The following JAKMIP2 variants were observed in gnomAD, a reference collection of about 807,000 sequenced individuals.
JAKMIP2 encodes the protein janus kinase and microtubule-interacting protein 2.
A neutral mutation model predicts 115.0 loss-of-function variants in JAKMIP2; 25 were observed. The ratio of observed to expected loss-of-function variants is 0.22; its 90% CI spans 0.16 to 0.30. JAKMIP2 has a LOEUF of 0.30. Among genes scored for constraint, JAKMIP2 ranks in the 10% least tolerant of loss-of-function variants. JAKMIP2 has a pLI of 1.00. For synonymous variants in JAKMIP2, 334 were observed against 343.6 expected (o/e 0.97, Z 0.31); for missense variants, 642 against 957.6 (o/e 0.67, Z 4.35).
chr5:147,672,624 TAA>T (rs1759678408), intron 1 of JAKMIP2, among the ~76,000 whole-genome samples: 2 of 152,160 alleles, frequency 1.3e-5, no homozygotes, highest in African/African-American at 4.8e-5. Flanking sequence ...CATAATCTGA[TAA>T]GAGTTTTTTA....
chr5:147,779,228 T>C (rs1755671026), intron 1 of JAKMIP2, among the ~76,000 whole-genome samples: 2 of 152,116 alleles, frequency 1.3e-5, no homozygotes, highest in Non-Finnish European at 2.9e-5. Flanking sequence ...AACATCCTAT[T>C]ACAAAGTGAG....
chr5:147,771,003 A>ATG (rs1357860063), intron 1 of JAKMIP2, among the ~76,000 whole-genome samples: 1 of 152,048 alleles, frequency 6.6e-6, no homozygotes, highest in Non-Finnish European at 1.5e-5. Flanking sequence ...AAGTGTGTTT[A>ATG]TGTGGGCTTT....
At chr5:147,644,383 T>A (rs1758025387) in intron 6 of JAKMIP2, among the ~76,000 whole-genome samples, 185 bp from the exon 7 acceptor site, 1 of 152,180 alleles carries the variant, frequency 6.6e-6, no homozygotes. Context: ...TCATTATCAT[T>A]GGGGATTGTC....
intron 1 of JAKMIP2, among the ~76,000 whole-genome samples, chr5:147,750,561 TACACACAC>T (rs151015424): frequency 2.4e-3 from 348 of 142,904 alleles, no homozygotes; most frequent in African/African-American, 8.6e-3. Flanking sequence ...TGCCAGAAAA[TACACACAC>T]ACACACACAC....
intron 9 of JAKMIP2, 70 bp from the exon 10 acceptor site, chr5:147,639,830 T>C (rs1757795339): frequency 6.5e-7 from 1 of 1,548,322 alleles, no homozygotes; most frequent in Non-Finnish European, 8.7e-7. Flanking sequence ...TGTGAAATAT[T>C]AACATTTGCC....
Position 147,782,711 on chromosome 5 carries a change from G to A in JAKMIP2, c.-404C>T. ...TCACCAGTTGGGCCTCCTCCCTCTC[G>A]GAGGATGGGGTGAGCTCGGAAGCAG... On this transcript the variant is annotated 5_prime_UTR_variant, in exon 1 of 22. Coordinates refer to ENST00000616793, the MANE Select transcript of JAKMIP2 (RefSeq NM_001270941.2). The A allele has an allele frequency of 1.7e-6, 1 of 604,812 alleles. No individual in the cohort carries two copies. The highest frequency in any genetic ancestry group is 1.8e-5 in the South Asian group (1 of 56,586). 37.5% of individuals were successfully genotyped at this position (604,812 alleles called of 1,614,324 possible).
chr5:147,595,653 TGTAA>T lies in JAKMIP2; in HGVS notation c.*21-3971_*21-3968del, dbSNP rs537643638. On this transcript the variant is annotated intron_variant, in intron 21 of 21. Transcript: ENST00000616793. ...AATGGTCTCCATTATGCAGAATTGT[TGTAA>T]GTATTACATAAAATAATAAATATAA... 5.7e-4 allele frequency: 210 copies of T among 371,080 alleles called. 1 individual carries two copies. The highest frequency in any genetic ancestry group is 3.5e-3 in the African/African-American group (170 of 48,076). 23.0% of individuals were successfully genotyped at this position (371,080 alleles called of 1,614,324 possible).
At chr5:147,736,823 A>G (rs966750116) in intron 1 of JAKMIP2, among the ~76,000 whole-genome samples, 3 of 152,172 alleles carry the variant, frequency 2.0e-5, no homozygotes, top group East Asian at 1.9e-4. Flanking sequence ...AAGTATTACT[A>G]TTTCCCAACT....
chr5:147,639,845 T>G, intron 9 of JAKMIP2, 85 bp from the exon 10 acceptor site: 1 of 1,497,362 alleles, frequency 6.7e-7, no homozygotes. Flanking sequence ...TTTGCCCACT[T>G]TTTACAAGAA....
chr5:147,620,824 C>G, intron 17 of JAKMIP2, 81 bp from the exon 18 acceptor site: 1 of 986,858 alleles, frequency 1.0e-6, no homozygotes, highest in Non-Finnish European at 1.6e-6. Flanking sequence ...AATGTTTCCT[C>G]TAATTCTACC....
At chr5:147,777,495 A>T (rs1291770514) in intron 1 of JAKMIP2, among the ~76,000 whole-genome samples, 1 of 152,166 alleles carries the variant, frequency 6.6e-6, no homozygotes, top group Non-Finnish European at 1.5e-5. Context: ...ATACAAAAAG[A>T]TCTAAAAGGA....
intron 1 of JAKMIP2, among the ~76,000 whole-genome samples, chr5:147,770,368 A>G (rs1426544947): frequency 6.6e-6 from 1 of 152,094 alleles, no homozygotes; most frequent in African/African-American, 2.4e-5. Context: ...GACAAACACA[A>G]TTTCTGGTGA....
intron 1 of JAKMIP2, among the ~76,000 whole-genome samples, chr5:147,680,242 T>TCCC (rs1412298473): frequency 8.5e-5 from 13 of 152,202 alleles, no homozygotes; most frequent in African/African-American, 2.4e-5. Context: ...AGGAAACTGA[T>TCCC]TTATCACCTA....
At chr5:147,637,659 C>G (rs533464353) in intron 10 of JAKMIP2, among the ~76,000 whole-genome samples, 30 of 152,104 alleles carry the variant, frequency 2.0e-4, no homozygotes, top group African/African-American at 6.7e-4. Flanking sequence ...TGGCTGGTCT[C>G]GAACTCCTGA....
rs1457268159 is a variant in JAKMIP2, at chr5:147,585,668, AAGCACTGAAGTGATAT to A, written c.*6023_*6038del. ...TTTTATTTTTCTTTCATTAATAAAC[AAGCACTGAAGTGATAT>A]ATGGAGTCATGCTAATGAGATGGAA... On this transcript the variant is annotated 3_prime_UTR_variant, in exon 22 of 22. Transcript: ENST00000616793. 1.2e-4 allele frequency: 18 copies of A among 152,146 alleles called. No homozygotes were observed. Among genetic ancestry groups the A allele is most frequent in the African/African-American group, 4.3e-4 (18 of 41,438 alleles). The allele number at this position is 152,146 out of a possible 1,614,324, so 9.4% of individuals were successfully genotyped here. A position where few individuals can be genotyped will look rare whatever the true frequency, so the allele number is the denominator to read the frequency against.
chr5:147,657,919 G>T (rs1476146356), intron 3 of JAKMIP2, among the ~76,000 whole-genome samples: 1 of 151,842 alleles, frequency 6.6e-6, no homozygotes, highest in Non-Finnish European at 1.5e-5. Flanking sequence ...TTTTATCAAG[G>T]TTCTTAGCTT....
chr5:147,697,281 C>T (rs1342819301), intron 1 of JAKMIP2, among the ~76,000 whole-genome samples: 1 of 152,106 alleles, frequency 6.6e-6, no homozygotes, highest in African/African-American at 2.4e-5. Context: ...CCCTGATAAA[C>T]TCAGCAGATC....
In JAKMIP2 at chr5:147,650,416, C is replaced by T. The variant is rs748870433; in HGVS notation, c.759G>A (p.Glu253=). ...ALDEQLFLVK[E]AECNMSSPKR... Reference sequence around the variant, plus strand: ...TTGGGCTGCTCATGTTGCACTCAGCCTCCTTGACCAGAAAGAGTTGTTCGT... The same window carrying T: ...TTGGGCTGCTCATGTTGCACTCAGCTTCCTTGACCAGAAAGAGTTGTTCGT... The change falls in exon 4 of 22, where the codon GAG becomes GAA. Residue 253 remains glutamate, a synonymous_variant. Transcript: ENST00000616793. 6.2e-7 allele frequency: 1 copy of T among 1,613,914 alleles called. No individual in the cohort carries two copies. The highest frequency in any genetic ancestry group is 1.1e-5 in the South Asian group (1 of 91,066).
chr5:147,623,224 C>CTTTTTTTTTT lies in JAKMIP2; in HGVS notation c.2064+387_2064+396dup, dbSNP rs199676287. ...ACTGCACTAGGTCTTTTGTTCTACT[C>CTTTTTTTTTT]TTTTTTTTTTTTTTTGATAAGAGTT... On this transcript the variant is annotated intron_variant, in intron 17 of 21. Transcript: ENST00000616793. Among the ~76,000 whole-genome samples, 648 of 138,616 alleles carry CTTTTTTTTTT rather than the reference C, an allele frequency of 4.7e-3. 18 individuals are homozygous for CTTTTTTTTTT. The East Asian group carries it at 0.095, about 20-fold the overall frequency. 90.9% of individuals were successfully genotyped at this position (138,616 alleles called of 152,430 possible).
Sources: allele counts gnomAD v4.1 joint callset (sites outside exome capture counted in the v4.1 genomes callset), GRCh38; gene constraint gnomAD v4.1.1; transcripts MANE v1.5; gene names NCBI Gene and HGNC (gene_info 2026-07-23, HGNC 2026-07-21).